The following NEK11 variants were observed in gnomAD, a reference collection of about 807,000 sequenced individuals.
NEK11 encodes the protein serine/threonine-protein kinase Nek11.
NEK11 carries 72 observed loss-of-function variants against 80.7 expected under a neutral mutation model. The ratio of observed to expected loss-of-function variants is 0.89; its 90% confidence interval spans 0.74 to 1.08. The LOEUF (loss-of-function observed/expected upper bound fraction) is 1.08, where lower values mean the gene tolerates loss of function less well. Among genes scored for constraint, NEK11 ranks in the 50% least tolerant of loss-of-function variants. The pLI is 0.00. For missense variants in NEK11, 764 were observed against 763.6 expected (o/e 1.00, Z -0.01); for synonymous variants, 251 against 260.7 (o/e 0.96, Z 0.36).
intron 17 of NEK11, among the ~76,000 whole-genome samples, chr3:131,276,683 T>G (rs1180445540): frequency 1.3e-5 from 2 of 152,096 alleles, no homozygotes; most frequent in Non-Finnish European, 2.9e-5. Context: ...CCATGCTTCA[T>G]GATTCTTCAA....
At chr3:131,256,452 T>G (rs889662863) in intron 16 of NEK11, among the ~76,000 whole-genome samples, 15 of 152,198 alleles carry the variant, frequency 9.9e-5, no homozygotes, top group Admixed American at 9.8e-4. Flanking sequence ...ACATAGGTCT[T>G]CTACAAAGAC....
chr3:131,080,822 G>T (rs2075145656), intron 4 of NEK11, among the ~76,000 whole-genome samples: 1 of 152,152 alleles, frequency 6.6e-6, no homozygotes, highest in Non-Finnish European at 1.5e-5. Flanking sequence ...TATATTTTAA[G>T]GTGGAGGCCA....
chr3:131,325,299 T>G (rs2096949228), intron 17 of NEK11: 1 of 127,218 alleles, frequency 7.9e-6, no homozygotes, highest in East Asian at 2.9e-4. Context: ...AAATAACTTA[T>G]ACCATTTACT....
chr3:131,326,433 A>G (rs960772923), intron 17 of NEK11, among the ~76,000 whole-genome samples: 4 of 152,128 alleles, frequency 2.6e-5, no homozygotes, highest in African/African-American at 9.7e-5. Context: ...GGCTCCACCC[A>G]CCACAGTTGG....
intron 17 of NEK11, among the ~76,000 whole-genome samples, chr3:131,304,436 G>A (rs1317943507): frequency 6.6e-6 from 1 of 152,156 alleles, no homozygotes; most frequent in African/African-American, 2.4e-5. Context: ...CATTGCTGGG[G>A]AACTTGTGCA....
intron 3 of NEK11, among the ~76,000 whole-genome samples, chr3:131,035,081 C>G (rs2065449068): frequency 6.6e-6 from 1 of 152,178 alleles, no homozygotes. Flanking sequence ...TTTTCCCCCT[C>G]TATCTCATAT....
At chr3:131,268,248 C>G (rs1036140771) in intron 16 of NEK11, among the ~76,000 whole-genome samples, 1 of 152,064 alleles carries the variant, frequency 6.6e-6, no homozygotes, top group African/African-American at 2.4e-5. Flanking sequence ...TTGTTATTAC[C>G]CACCTTCTGA....
chr3:131,124,152 C>G (rs1012158456), intron 5 of NEK11, among the ~76,000 whole-genome samples: 1 of 152,152 alleles, frequency 6.6e-6, no homozygotes, highest in Non-Finnish European at 1.5e-5. Flanking sequence ...GTCACTCCCC[C>G]CTTTTTTTGT....
intron 17 of NEK11, among the ~76,000 whole-genome samples, chr3:131,286,249 C>T (rs948279941): frequency 1.3e-5 from 2 of 152,160 alleles, no homozygotes; most frequent in Admixed American, 6.5e-5. Flanking sequence ...AAACAGATGG[C>T]CAGGGTTGGG....
chr3:131,306,784 GTA>G (rs1169348689), intron 17 of NEK11, among the ~76,000 whole-genome samples: 1 of 152,168 alleles, frequency 6.6e-6, no homozygotes. Context: ...GCTCCTGGAG[GTA>G]TATCTCACTC....
rs556405139 is a variant in NEK11, at chr3:131,250,396, A to T, written c.1621+6900A>T. Among the ~76,000 whole-genome samples, 8 of 152,230 alleles carry T rather than the reference A, an allele frequency of 5.3e-5. No individual in the cohort carries two copies. The East Asian group carries it at 1.5e-3, about 29-fold the overall frequency. ...AAAGCTAGAAGATAATAAAGTTTGA[A>T]CCTACAAATATTTATCTATCCAAAC... On this transcript the variant is annotated intron_variant, in intron 16 of 17. Transcript: ENST00000383366.
chr3:131,227,921 A>T (rs1341592371), intron 14 of NEK11, among the ~76,000 whole-genome samples: 2 of 152,152 alleles, frequency 1.3e-5, no homozygotes, highest in Non-Finnish European at 2.9e-5. Flanking sequence ...TTTTAAAATA[A>T]GTGCTGAATG....
chr3:131,166,106 C>G (rs564829278), intron 12 of NEK11, among the ~76,000 whole-genome samples: 2 of 152,290 alleles, frequency 1.3e-5, no homozygotes, highest in Admixed American at 1.3e-4. Flanking sequence ...TCTCCACAGG[C>G]CTTGGGTAGG....
intron 4 of NEK11, among the ~76,000 whole-genome samples, chr3:131,083,420 G>C (rs1418416859): frequency 6.6e-6 from 1 of 152,218 alleles, no homozygotes; most frequent in African/African-American, 2.4e-5. Context: ...GTGCCACTGA[G>C]CTGGCAGGTT....
At chr3:131,170,736 A>G (rs1560773018) in intron 13 of NEK11, 37 bp from the exon 14 acceptor site, 14 of 1,273,890 alleles carry the variant, frequency 1.1e-5, no homozygotes, top group African/African-American at 1.5e-5. Context: ...GTTTCCTTCT[A>G]TCAGCATCTC....
chr3:131,045,951 G>A (rs1286988767), intron 3 of NEK11, among the ~76,000 whole-genome samples: 1 of 152,006 alleles, frequency 6.6e-6, no homozygotes, highest in South Asian at 2.1e-4. Flanking sequence ...GTGCCCATTT[G>A]CATGGAATAT....
intron 17 of NEK11, chr3:131,330,875 A>C (rs1305447327): frequency 7.0e-6 from 1 of 143,082 alleles, no homozygotes; most frequent in African/African-American, 2.6e-5. Flanking sequence ...TTGCTACATC[A>C]TCCCATGGCA....
At position 131,273,539 on chromosome 3, in the gene NEK11, T is replaced by C; in HGVS notation, c.1683T>C (p.Ser561=). 1 of 1,613,986 alleles carries C rather than the reference T, an allele frequency of 6.2e-7. No individual in the cohort carries two copies. Among genetic ancestry groups the C allele is most frequent in the Non-Finnish European group, 8.5e-7 (1 of 1,179,920 alleles). Residue 561 remains serine (S), a synonymous_variant, in exon 17 of 18, where the codon AGT becomes AGC. Transcript: ENST00000383366. ...DMSPGPPIFN[S]VMARTKMKRM... is the part of the protein sequence containing the mutation. ...CCCCAGGACCACCAATTTTCAACAG[T>C]GTGATGGCCAGGACCAAGATGAAAC... is the stretch of plus-strand genomic sequence containing the variant.
chr3:131,313,807 C>T (rs1206114882), intron 17 of NEK11, among the ~76,000 whole-genome samples: 2 of 152,092 alleles, frequency 1.3e-5, no homozygotes, highest in Non-Finnish European at 2.9e-5. Flanking sequence ...AGCATTTTAG[C>T]GCAAAGTTGG....
Sources: allele counts gnomAD v4.1 joint callset (sites outside exome capture counted in the v4.1 genomes callset), GRCh38; gene constraint gnomAD v4.1.1; transcripts MANE v1.5; gene names NCBI Gene and HGNC (gene_info 2026-07-23, HGNC 2026-07-21).